Variants in PNLIPRP1 observed in about 807,000 individuals in gnomAD.
PNLIPRP1 encodes the protein pancreatic lipase related protein 1.
A neutral mutation model predicts 54.6 loss-of-function variants in PNLIPRP1; 57 were observed. The observed-to-expected ratio is 1.04, with a 90% CI of 0.84 to 1.30. The LOEUF is 1.30. Among genes scored for constraint, PNLIPRP1 ranks in the 50% most tolerant of loss-of-function variants. The pLI, the probability that PNLIPRP1 is intolerant of heterozygous loss-of-function variation, is 0.00. For synonymous variants in PNLIPRP1, 232 were observed against 208.8 expected (o/e 1.11, Z -0.96); for missense variants, 567 against 568.5 (o/e 1.00, Z 0.03).
rs377122096 is a variant in PNLIPRP1 at position 116,594,853 on chromosome 10, G to A, written c.454G>A (p.Asp152Asn). The change falls in exon 5 of 13, where the codon GAC becomes AAC. Residue 152 changes from aspartate to asparagine, a missense_variant. Transcript: ENST00000358834. ...VVGAQVAQML[D>N]ILLTEYSYPP... The stretch of plus-strand genomic sequence containing the variant: ...GGGCGCCCAGGTGGCCCAGATGCTC[G>A]ACATCCTCTTGGTGAGTCAGCTGGC... 8 of 1,613,830 alleles carry A rather than the reference G, an allele frequency of 5.0e-6. No homozygotes were observed. Among genetic ancestry groups the A allele is most frequent in the Admixed American group, 1.7e-5 (1 of 59,998 alleles).
At chr10:116,598,322 GTATTTGT>G (rs1554864278) in intron 8 of PNLIPRP1, among the ~76,000 whole-genome samples, 156 bp downstream of exon 8, 1 of 152,184 alleles carries the variant, frequency 6.6e-6, no homozygotes, top group South Asian at 2.1e-4. Context: ...TAGCTACATA[GTATTTGT>G]TATATCTCAG....
Position 116,591,770 on chromosome 10 carries a change from G to A in PNLIPRP1, c.50-1G>A. ...TGAGCAGATTCAACCTTTCTCTGTA[G>A]GAAAAGAAGTTTGCTATGAGGACCT... On this transcript the variant is annotated splice_acceptor_variant, in intron 2 of 12. Coordinates refer to ENST00000358834, the MANE Select transcript of PNLIPRP1 (RefSeq NM_006229.4). LOFTEE classifies it high-confidence loss of function. 1 of 1,614,082 alleles carries A rather than the reference G, an allele frequency of 6.2e-7. No individual in the cohort carries two copies. Among genetic ancestry groups the A allele is most frequent in the South Asian group, 1.1e-5 (1 of 91,066 alleles).
At position 116,601,148 on chromosome 10, in the gene PNLIPRP1, G is replaced by A; in HGVS notation, c.1010G>A (p.Ser337Asn). Residue 337 changes from serine (S) to asparagine (N), a missense_variant, in exon 10 of 13, where the codon AGT becomes AAT. Transcript: ENST00000358834. ...GCTGATAAATTTGCTGGCAGGACAAGTGAAGAGCAGCAGAAATTCTTCTTG... is the reference window on the plus strand; with the variant it reads ...GCTGATAAATTTGCTGGCAGGACAAATGAAGAGCAGCAGAAATTCTTCTTG... ...HYADKFAGRT[S>N]EEQQKFFLNT... 1 of 1,614,172 alleles carries A rather than the reference G, an allele frequency of 6.2e-7. No homozygotes were observed. Among genetic ancestry groups the A allele is most frequent in the South Asian group, 1.1e-5 (1 of 91,078 alleles).
chr10:116,607,026 A>ATAATAATAATAATAC (rs1847946698), intron 12 of PNLIPRP1, among the ~76,000 whole-genome samples: 1 of 147,972 alleles, frequency 6.8e-6, no homozygotes, highest in Non-Finnish European at 1.5e-5. Flanking sequence ...ACATTTAATA[A>ATAATAATAATAATAC]TAATAATAAT....
At chr10:116,591,748 G>T in intron 2 of PNLIPRP1, 23 bp from the exon 3 acceptor site, 1 of 1,613,254 alleles carries the variant, frequency 6.2e-7, no homozygotes. Flanking sequence ...AAATCCTTGA[G>T]CAGATTCAAC....
Position 116,609,169 on chromosome 10 carries a change from A to C in PNLIPRP1, c.*53A>C. The C allele has an allele frequency of 9.2e-6, 12 of 1,309,986 alleles. No homozygotes were observed. The highest frequency in any genetic ancestry group is 1.2e-5 in the Non-Finnish European group (11 of 931,698). 81.1% of individuals were successfully genotyped at this position (1,309,986 alleles called of 1,614,324 possible). A position where few individuals can be genotyped will look rare whatever the true frequency, so the allele number is the denominator to read the frequency against. Reference sequence around the variant, plus strand: ...TCACACTAATAAAATCCACTGGTGCATCTGTATGCTCTGGGTCTATCTCCT... The same window carrying C: ...TCACACTAATAAAATCCACTGGTGCCTCTGTATGCTCTGGGTCTATCTCCT... On this transcript the variant is annotated 3_prime_UTR_variant, in exon 13 of 13. Coordinates refer to ENST00000358834, the MANE Select transcript of PNLIPRP1 (RefSeq NM_006229.4).
chr10:116,599,026 G>A (rs3010497), intron 8 of PNLIPRP1, among the ~76,000 whole-genome samples: 1 of 151,918 alleles, frequency 6.6e-6, no homozygotes, highest in African/African-American at 2.4e-5. Context: ...AGGCCGAGGC[G>A]GGCAAATCAC....
intron 5 of PNLIPRP1, chr10:116,595,757 G>T (rs1301452792): frequency 4.5e-5 from 7 of 154,518 alleles, no homozygotes; most frequent in African/African-American, 1.7e-4. Context: ...TGCCAGTAGA[G>T]TGCGATCTAT....
At position 116,592,307 on chromosome 10, in the gene PNLIPRP1, T is replaced by C. The variant is rs149401542; in HGVS notation, c.205-109T>C. On this transcript the variant is annotated intron_variant, in intron 3 of 12. Transcript: ENST00000358834. ...GTGGGCTTCATGGAAGAAGTGGCTT[T>C]TTGCTAAGCTTTGAAAAGTAGAGGC... 906 of 1,333,358 alleles carry C rather than the reference T, an allele frequency of 6.8e-4. 2 individuals are homozygous for C. In the African/African-American group the frequency reaches 7.7e-3, roughly 11 times the overall value. The allele number at this position is 1,333,358 out of a possible 1,614,324, so 82.6% of individuals were successfully genotyped here.
intron 6 of PNLIPRP1, among the ~76,000 whole-genome samples, chr10:116,597,112 C>T (rs2133232170): frequency 6.6e-6 from 1 of 152,302 alleles, no homozygotes; most frequent in African/African-American, 2.4e-5. Flanking sequence ...TTATTTTCAG[C>T]TGGCAACTAC....
At position 116,591,169 on chromosome 10, in the gene PNLIPRP1, G is replaced by A. The variant is rs199919387; in HGVS notation, c.40G>A (p.Ala14Thr). 1 of 1,613,136 alleles carries A rather than the reference G, an allele frequency of 6.2e-7. No homozygotes were observed. Among genetic ancestry groups the A allele is most frequent in the Admixed American group, 1.7e-5 (1 of 60,022 alleles). ...GACAATCACACTTTTCCTGCTGGGA[G>A]CAGCCAAAGGTAAGAAACACCACTC... ...FWTITLFLLGAAKGKEVCYED... is the reference protein window; with the variant it reads ...FWTITLFLLGTAKGKEVCYED... Residue 14 changes from alanine to threonine, a missense_variant, in exon 2 of 13, where the codon GCA becomes ACA. Ala to Thr is a moderately conservative substitution (Grantham distance 58). Coordinates refer to ENST00000358834, the MANE Select transcript of PNLIPRP1 (RefSeq NM_006229.4).
At position 116,598,629 on chromosome 10, in the gene PNLIPRP1, C is replaced by T. The variant is rs1321351603; in HGVS notation, c.814+463C>T. Among the ~76,000 whole-genome samples, 5 of 152,270 alleles carry T rather than the reference C, an allele frequency of 3.3e-5. No individual in the cohort carries two copies. The South Asian group carries it at 1.0e-3, about 32-fold the overall frequency. On this transcript the variant is annotated intron_variant, in intron 8 of 12. Coordinates refer to ENST00000358834, the MANE Select transcript of PNLIPRP1 (RefSeq NM_006229.4). ...GTGGTTTCCACAGCAAGCCTATTTGCACAATGAGAGCCATTGCTCACCCAT... is the reference window on the plus strand; with the variant it reads ...GTGGTTTCCACAGCAAGCCTATTTGTACAATGAGAGCCATTGCTCACCCAT...
chr10:116,599,092 T>C (rs1589572983), intron 8 of PNLIPRP1, among the ~76,000 whole-genome samples: 2 of 151,758 alleles, frequency 1.3e-5, no homozygotes, highest in Admixed American at 1.3e-4. Flanking sequence ...CCGTCTCTAC[T>C]AAAAATACAA....
chr10:116,602,140 C>T (rs986356568), intron 10 of PNLIPRP1, among the ~76,000 whole-genome samples: 6 of 152,036 alleles, frequency 3.9e-5, no homozygotes, highest in East Asian at 3.9e-4. Context: ...CTCAGCCTCC[C>T]GAGTAGCTGG....
intron 8 of PNLIPRP1, among the ~76,000 whole-genome samples, chr10:116,598,661 T>C (rs1394305007): frequency 6.6e-6 from 1 of 152,022 alleles, no homozygotes; most frequent in Non-Finnish European, 1.5e-5. Context: ...CCATGTTGAG[T>C]AGGAATGAGG....
intron 9 of PNLIPRP1, chr10:116,600,465 TAC>T (rs1225578165): frequency 1.1e-5 from 3 of 275,674 alleles, no homozygotes; most frequent in East Asian, 8.0e-5. Context: ...TTAAAAATGA[TAC>T]AGTTTAGAAA....
intron 3 of PNLIPRP1, 104 bp downstream of exon 3, chr10:116,592,029 C>G: frequency 8.0e-7 from 1 of 1,242,434 alleles, no homozygotes; most frequent in East Asian, 2.3e-5. Context: ...CCACCATGCC[C>G]CACCCCATCC....
chr10:116,605,712 T>A (rs1405840278), intron 12 of PNLIPRP1, among the ~76,000 whole-genome samples, 159 bp downstream of exon 12: 2 of 152,222 alleles, frequency 1.3e-5, no homozygotes, highest in African/African-American at 2.4e-5. Context: ...ACAAACAGCA[T>A]AAAATGTTTC....
intron 2 of PNLIPRP1, 31 bp downstream of exon 2, chr10:116,591,209 G>T: frequency 6.3e-7 from 1 of 1,588,304 alleles, no homozygotes; most frequent in Non-Finnish European, 8.6e-7. Flanking sequence ...CCCGTAGGAA[G>T]GGCTTAAACT....
Sources: allele counts gnomAD v4.1 joint callset (sites outside exome capture counted in the v4.1 genomes callset), GRCh38; gene constraint gnomAD v4.1.1; transcripts MANE v1.5; gene names NCBI Gene and HGNC (gene_info 2026-07-23, HGNC 2026-07-21).